The following DYSF variants were observed in gnomAD, a reference collection of about 807,000 sequenced individuals.
The protein encoded by DYSF is dysferlin.
In DYSF, 212 loss-of-function variants were observed where a neutral mutation model predicts 274.9. The ratio of observed to expected loss-of-function variants is 0.77; its 90% CI spans 0.69 to 0.86. The LOEUF (loss-of-function observed/expected upper bound fraction) is 0.86. DYSF is among the 40% of genes least tolerant of loss of function. The probability of loss-of-function intolerance (pLI) is 0.00; values close to 1 mark genes in which losing one functional copy is unlikely to be tolerated. For missense variants in DYSF, 2,666 were observed against 2,783.2 expected (o/e 0.96, Z 0.95); for synonymous variants, 1,091 against 1,078.7 (o/e 1.01, Z -0.22).
At position 71,514,054 on chromosome 2, in the gene DYSF, TGTAGTTTCCCTG is replaced by T. The variant is rs1258939570; in HGVS notation, c.759+135_759+146del. 10 of 1,069,688 alleles carry T rather than the reference TGTAGTTTCCCTG, an allele frequency of 9.3e-6. No homozygotes were observed. In the African/African-American group the frequency reaches 1.4e-4, roughly 15 times the overall value. The allele number at this position is 1,069,688 out of a possible 1,614,324, so 66.3% of individuals were successfully genotyped here. A position where few individuals can be genotyped will look rare whatever the true frequency, so the allele number is the denominator to read the frequency against. On this transcript the variant is annotated intron_variant, in intron 7 of 55. Transcript: ENST00000410020. ...CTCAGGGCCCTCCTGTGGGGGAATC[TGTAGTTTCCCTG>T]GGCCTGGGCAGATGCCAAACAGGGA... is the stretch of plus-strand genomic sequence containing the variant.
At chr2:71,553,705 C>T in intron 20 of DYSF, 102 bp from the exon 21 acceptor site, 1 of 1,208,890 alleles carries the variant, frequency 8.3e-7, no homozygotes, top group Admixed American at 2.0e-5. Context: ...CCAGCTCTGC[C>T]AGTCCTAGCC....
At chr2:71,542,523 T>C (rs1193352671) in intron 17 of DYSF, among the ~76,000 whole-genome samples, 2 of 152,142 alleles carry the variant, frequency 1.3e-5, no homozygotes, top group Admixed American at 6.5e-5. Flanking sequence ...CCCTGGGGCC[T>C]TCCGCAGTGT....
At chr2:71,669,897 C>T in intron 51 of DYSF, 151 bp downstream of exon 51, 1 of 983,448 alleles carries the variant, frequency 1.0e-6, no homozygotes. Context: ...ATGGCCACCA[C>T]CTCCACTGTC....
chr2:71,577,718 C>T (rs556203479), intron 30 of DYSF, among the ~76,000 whole-genome samples: 1 of 152,142 alleles, frequency 6.6e-6, no homozygotes, highest in Admixed American at 6.5e-5. Context: ...GTCACGTTTC[C>T]GTCTTCCTGC....
Position 71,669,122 on chromosome 2 carries a change from C to T in DYSF, c.5557C>T (p.Arg1853Cys), listed in dbSNP as rs1280185461. 9 of 1,601,670 alleles carry T rather than the reference C, an allele frequency of 5.6e-6. No individual in the cohort carries two copies. Among genetic ancestry groups the T allele is most frequent in the South Asian group, 2.3e-5 (2 of 88,296 alleles). ...TPRRARRFFL[R>C]CIIWNTRDVI... ...GATACCTTTCCCCAGGTTTTTCCTG[C>T]GTTGTATTATCTGGAATACCAGAGA... Residue 1853 changes from arginine to cysteine, a missense_variant, in exon 50 of 56, where the codon CGT (arginine) becomes TGT (cysteine). Physicochemically the swap from Arg to Cys is radical, Grantham distance 180. Transcript: ENST00000410020.
At position 71,659,015 on chromosome 2, in the gene DYSF, C is replaced by T; in HGVS notation, c.4893C>T (p.Pro1631=). Reference sequence around the variant, plus strand: ...TTGTCCGAGCATTTGGCCTGCAGCCCAAGGACCCCAATGGAAAGGTAACTT... The same window carrying T: ...TTGTCCGAGCATTTGGCCTGCAGCCTAAGGACCCCAATGGAAAGGTAACTT... ...IYIVRAFGLQ[P]KDPNGKCDPY... is the part of the protein sequence containing the mutation. The change falls in exon 44 of 56, where the codon CCC becomes CCT. Residue 1631 remains proline, a synonymous_variant. Coordinates refer to ENST00000410020, the MANE Select transcript of DYSF (RefSeq NM_001130987.2). 6.2e-7 allele frequency: 1 copy of T among 1,614,166 alleles called. No individual in the cohort carries two copies. Among genetic ancestry groups the T allele is most frequent in the East Asian group, 2.2e-5 (1 of 44,882 alleles).
chr2:71,682,884 C>T (rs2095313321), intron 55 of DYSF, among the ~76,000 whole-genome samples: 1 of 152,140 alleles, frequency 6.6e-6, no homozygotes, highest in Non-Finnish European at 1.5e-5. Context: ...GGCTCTTAGT[C>T]CAGTGAGAGA....
intron 47 of DYSF, 116 bp downstream of exon 47, chr2:71,665,420 G>T: frequency 7.2e-7 from 1 of 1,391,906 alleles, no homozygotes. Flanking sequence ...GCAGCAGGCT[G>T]TGGGTCTCTC....
At chr2:71,536,528 G>A (rs529080292) in intron 16 of DYSF, among the ~76,000 whole-genome samples, 12 of 152,334 alleles carry the variant, frequency 7.9e-5, no homozygotes, top group East Asian at 7.7e-4. Flanking sequence ...CTCTGACTGC[G>A]GGCGATGAGC....
chr2:71,494,845 C>T (rs570374524), intron 3 of DYSF, among the ~76,000 whole-genome samples: 1 of 152,326 alleles, frequency 6.6e-6, no homozygotes, highest in Admixed American at 6.5e-5. Context: ...AAAGTCCTTC[C>T]TTCTATTGGC....
intron 22 of DYSF, 57 bp from the exon 23 acceptor site, chr2:71,561,695 T>G: frequency 6.2e-7 from 1 of 1,606,884 alleles, no homozygotes. Flanking sequence ...TGTGCATGCC[T>G]GGACCTGGGA....
rs778427145 is a variant in DYSF, at chr2:71,570,232, G to A, written c.2983G>A (p.Gly995Arg). The stretch of plus-strand genomic sequence containing the variant: ...GCCTGTTCGGTTTTGTCCTTAGAAC[G>A]GGGAGAAGGTGCTTCCCAAGGATGA... The part of the protein sequence containing the change: ...YMSDNYTDVN[G>R]EKVLPKDDIE... Residue 995 changes from glycine (G) to arginine (R), a missense_variant, in exon 28 of 56, where the codon GGG becomes AGG. By Grantham distance (125) the Gly-to-Arg change is moderately radical. This residue lies in a region of DYSF where 1,460 missense variants were observed against 1,502.1 expected (regional missense o/e 0.97). Transcript: ENST00000410020. 27 of 1,613,890 alleles carry A rather than the reference G, an allele frequency of 1.7e-5. No individual in the cohort carries two copies. Among genetic ancestry groups the A allele is most frequent in the South Asian group, 3.3e-5 (3 of 91,078 alleles).
chr2:71,466,646 T>A, upstream of DYSF: 1 of 1,299,876 alleles, frequency 7.7e-7, no homozygotes, highest in South Asian at 2.3e-5. Flanking sequence ...AGGGGGAGGG[T>A]CCGCCCAGCG....
At chr2:71,495,134 G>A (rs1260440907) in intron 3 of DYSF, among the ~76,000 whole-genome samples, 1 of 152,166 alleles carries the variant, frequency 6.6e-6, no homozygotes, top group Non-Finnish European at 1.5e-5. Flanking sequence ...ACTCTCTGAA[G>A]TATTCATTAT....
intron 30 of DYSF, among the ~76,000 whole-genome samples, chr2:71,579,857 G>A (rs532846894): frequency 1.3e-4 from 20 of 152,234 alleles, no homozygotes; most frequent in Admixed American, 3.3e-4. Context: ...AGCCATTGAC[G>A]GTTTGATCAT....
At chr2:71,541,381 A>G (rs1272940011) in intron 17 of DYSF, among the ~76,000 whole-genome samples, 1 of 152,174 alleles carries the variant, frequency 6.6e-6, no homozygotes, top group African/African-American at 2.4e-5. Flanking sequence ...ATTTTCCTAG[A>G]AAAGCATCCA....
Position 71,516,030 on chromosome 2 carries a change from A to G in DYSF, c.889-150A>G. ...GAGGCCAGGGGCAGATCACCCCAGA[A>G]CTTGTCCAATCCCCAGAACTGTGCC... On this transcript the variant is annotated intron_variant, in intron 8 of 55. Transcript: ENST00000410020. 4.3e-6 allele frequency: 4 copies of G among 931,244 alleles called. No individual in the cohort carries two copies. In the Admixed American group the frequency reaches 6.0e-5, roughly 14 times the overall value. 57.7% of individuals were successfully genotyped at this position (931,244 alleles called of 1,614,324 possible).
At chr2:71,638,924 G>A (rs577144862) in intron 41 of DYSF, among the ~76,000 whole-genome samples, 2 of 152,298 alleles carry the variant, frequency 1.3e-5, no homozygotes, top group South Asian at 2.1e-4. Context: ...TTTTCAAAGT[G>A]CTGCAACATT....
chr2:71,503,655 A>G (rs1559022851), intron 4 of DYSF, among the ~76,000 whole-genome samples: 1 of 152,100 alleles, frequency 6.6e-6, no homozygotes, highest in African/African-American at 2.4e-5. Context: ...TCTCCCTGGC[A>G]GACCTCCCCT....
Sources: gnomAD v4.1 joint callset for allele counts (sites outside exome capture counted in the v4.1 genomes callset) on GRCh38, gnomAD v4.1.1 for gene constraint, gnomAD v4.1.1 regional missense constraint, MANE v1.5 for transcripts, NCBI Gene and HGNC (gene_info 2026-07-23, HGNC 2026-07-21) for gene names.